Variants in PM20D2 observed in about 807,000 individuals in gnomAD.
PM20D2 encodes the protein xaa-Arg dipeptidase.
Under a neutral mutation model 42.9 loss-of-function variants are expected in PM20D2, and 33 were observed. The ratio of observed to expected loss-of-function variants is 0.77; its 90% CI spans 0.58 to 1.03. The LOEUF (loss-of-function observed/expected upper bound fraction) is 1.03, where lower values mean the gene tolerates loss of function less well. PM20D2 is among the 50% of genes least tolerant of loss of function. The pLI, the probability that PM20D2 is intolerant of heterozygous loss-of-function variation, is 0.00. For synonymous variants in PM20D2, 250 were observed against 228.2 expected, an observed-to-expected ratio of 1.10 and a Z score of -0.86; for missense variants, 548 against 557.0, an observed-to-expected ratio of 0.98 and a Z score of 0.16.
At chr6:89,143,438 AT>A (rs1326938993), upstream of PM20D2, among the ~76,000 whole-genome samples, 3 of 151,976 alleles carry the variant, frequency 2.0e-5, no homozygotes, top group African/African-American at 7.3e-5. Context: ...ATCTTTATAT[AT>A]TTTTTCCCCT....
chr6:89,117,038 C>T, the PM20D2 span, among the ~76,000 whole-genome samples: 1 of 152,030 alleles, frequency 6.6e-6, no homozygotes, highest in African/African-American at 2.4e-5. Context: ...TCCCTCTCCC[C>T]CCGCCCCCAA....
At position 89,149,181 on chromosome 6, in the gene PM20D2, G is replaced by A. The variant is rs543256459; in HGVS notation, c.466-84G>A. On this transcript the variant is annotated intron_variant, in intron 1 of 6. Transcript: ENST00000275072. Reference sequence around the variant, plus strand: ...TAGGTTAAGGACTTTAATGTAGATTGTGAATACATATGCAGGTGAACCTGT... The same window carrying A: ...TAGGTTAAGGACTTTAATGTAGATTATGAATACATATGCAGGTGAACCTGT... 4.7e-4 allele frequency: 693 copies of A among 1,483,710 alleles called. 4 individuals are homozygous for A. In the South Asian group the frequency reaches 7.4e-3, roughly 16 times the overall value. The allele number at this position is 1,483,710 out of a possible 1,614,324, so 91.9% of individuals were successfully genotyped here. A position where few individuals can be genotyped will look rare whatever the true frequency, so the allele number is the denominator to read the frequency against.
the PM20D2 span, among the ~76,000 whole-genome samples, chr6:89,126,147 C>T: frequency 6.6e-6 from 1 of 151,484 alleles, no homozygotes; most frequent in Non-Finnish European, 1.5e-5. Flanking sequence ...GTAGTATCAG[C>T]ACTTTGGGAG....
chr6:89,159,766 G>A (rs1435189442), intron 5 of PM20D2, among the ~76,000 whole-genome samples: 1 of 152,192 alleles, frequency 6.6e-6, no homozygotes, highest in Admixed American at 6.5e-5. Flanking sequence ...AGGGCTGAGG[G>A]ATTGAGAGAG....
At chr6:89,102,816 A>T in the PM20D2 span, among the ~76,000 whole-genome samples, 1 of 152,102 alleles carries the variant, frequency 6.6e-6, no homozygotes. Context: ...CAGTGGTGCA[A>T]TCATGGCTCA....
chr6:89,109,908 G>A, the PM20D2 span, among the ~76,000 whole-genome samples: 1 of 152,078 alleles, frequency 6.6e-6, no homozygotes, highest in Admixed American at 6.6e-5. Flanking sequence ...TGGCTAAGAG[G>A]GTGAAACCCC....
At chr6:89,096,975 T>C in the PM20D2 span, 3 of 152,348 alleles carry the variant, frequency 2.0e-5, no homozygotes, top group Non-Finnish European at 4.4e-5. Context: ...AGTTGTAGTT[T>C]TGAAATAAAT....
At chr6:89,144,918 T>C (rs533916206), upstream of PM20D2, among the ~76,000 whole-genome samples, 7 of 152,374 alleles carry the variant, frequency 4.6e-5, no homozygotes, top group East Asian at 1.3e-3. Context: ...CAGACGTGAA[T>C]GGAATGTGAC....
chr6:89,096,428 A>G, the PM20D2 span: 1 of 152,210 alleles, frequency 6.6e-6, no homozygotes, highest in East Asian at 1.9e-4. Context: ...ATAACTTAAG[A>G]CATATAGAAC....
the PM20D2 span, chr6:89,099,001 G>T: frequency 6.6e-7 from 1 of 1,518,198 alleles, no homozygotes; most frequent in African/African-American, 1.4e-5. Flanking sequence ...AAGAGATCAG[G>T]AAATAACACT....
intron 5 of PM20D2, among the ~76,000 whole-genome samples, chr6:89,160,939 G>A (rs1162981337): frequency 1.3e-5 from 2 of 152,034 alleles, no homozygotes; most frequent in South Asian, 2.1e-4. Flanking sequence ...GGCATCGAGA[G>A]TAGTGGGAAC....
chr6:89,147,730 T>TAA (rs556108073), intron 1 of PM20D2, among the ~76,000 whole-genome samples: 4,755 of 144,278 alleles, frequency 0.033, 86 homozygotes, highest in African/African-American at 0.043. Flanking sequence ...TAAAATATAT[T>TAA]AAAAAAAAAA....
chr6:89,112,863 T>A, the PM20D2 span, among the ~76,000 whole-genome samples: 12 of 152,304 alleles, frequency 7.9e-5, no homozygotes, highest in South Asian at 2.5e-3. Context: ...GTGTACCTTT[T>A]AAAAAATCTT....
the PM20D2 span, chr6:89,106,609 A>C: frequency 6.2e-6 from 1 of 161,564 alleles, no homozygotes; most frequent in African/African-American, 2.4e-5. Context: ...GAGGTTGTTC[A>C]CTGGTTTAAT....
chr6:89,113,614 G>T, the PM20D2 span, among the ~76,000 whole-genome samples: 2 of 151,986 alleles, frequency 1.3e-5, no homozygotes, highest in Non-Finnish European at 2.9e-5. Context: ...AGGCCCCAAA[G>T]ATTTTGTTTA....
At chr6:89,134,727 A>T in the PM20D2 span, among the ~76,000 whole-genome samples, 1 of 151,234 alleles carries the variant, frequency 6.6e-6, no homozygotes, top group Non-Finnish European at 1.5e-5. Flanking sequence ...ATACTCTCTC[A>T]GGTGGGGTTC....
chr6:89,128,774 CTTTA>C, the PM20D2 span, among the ~76,000 whole-genome samples: 12 of 152,298 alleles, frequency 7.9e-5, no homozygotes, highest in Admixed American at 2.6e-4. Flanking sequence ...TGTACTTTCT[CTTTA>C]TTTCTCAGCC....
chr6:89,137,389 C>T, the PM20D2 span, among the ~76,000 whole-genome samples: 1 of 152,134 alleles, frequency 6.6e-6, no homozygotes, highest in African/African-American at 2.4e-5. Context: ...GAGTTTGAAA[C>T]TAGAATCTGA....
At chr6:89,117,981 C>T in the PM20D2 span, 3 of 1,351,732 alleles carry the variant, frequency 2.2e-6, no homozygotes, top group Admixed American at 2.6e-5. Context: ...GCTCCGCCGG[C>T]CCCCGGCGCG....
Sources: allele counts gnomAD v4.1 joint callset (sites outside exome capture counted in the v4.1 genomes callset), GRCh38; gene constraint gnomAD v4.1.1; transcripts MANE v1.5; gene names NCBI Gene and HGNC (gene_info 2026-07-23, HGNC 2026-07-21).